PMM2: variants seen among roughly 807,000 people sequenced by gnomAD.
The protein encoded by PMM2 is mannose-6-phosphate isomerase.
In PMM2, 35 loss-of-function variants were observed where a neutral mutation model predicts 33.2. The observed-to-expected ratio is 1.06, with a 90% CI of 0.81 to 1.40. The LOEUF is 1.40. Among genes scored for constraint, PMM2 ranks in the 40% most tolerant of loss-of-function variants. The pLI is 0.00. For synonymous variants in PMM2, 153 were observed against 114.7 expected (o/e 1.33, Z -2.13); for missense variants, 386 against 306.0 (o/e 1.26, Z -1.95).
chr16:8,847,653 T>C, intron 7 of PMM2, 71 bp from the exon 8 acceptor site: 1 of 1,152,100 alleles, frequency 8.7e-7, no homozygotes, highest in East Asian at 2.3e-5. Flanking sequence ...ACTTTTGGAC[T>C]CCAGGGTCAC....
At chr16:8,830,405 TACTC>T (rs2060802916) in intron 7 of PMM2, among the ~76,000 whole-genome samples, 1 of 152,218 alleles carries the variant, frequency 6.6e-6, no homozygotes, top group South Asian at 2.1e-4. Flanking sequence ...GTTTTATTAT[TACTC>T]AAATCAGTCT....
chr16:8,829,211 A>G (rs1243070079), intron 7 of PMM2: 1 of 152,202 alleles, frequency 6.6e-6, no homozygotes, highest in African/African-American at 2.4e-5. Flanking sequence ...AGAGGAGACA[A>G]ACAGTGATGT....
Position 8,848,052 on chromosome 16 carries a change from G to C in PMM2, c.*227G>C. 3.6e-6 allele frequency: 2 copies of C among 548,120 alleles called. No individual in the cohort carries two copies. The highest frequency in any genetic ancestry group is 6.6e-6 in the Non-Finnish European group (2 of 302,442). 34.0% of individuals were successfully genotyped at this position (548,120 alleles called of 1,614,324 possible). On this transcript the variant is annotated 3_prime_UTR_variant, in exon 8 of 8. Coordinates refer to ENST00000268261, the MANE Select transcript of PMM2 (RefSeq NM_000303.3). The stretch of plus-strand genomic sequence containing the variant: ...GCCCAGAGGAATGCCTCGCACAAAA[G>C]GTCTTCCCCACCCACCCCCAGCCCC...
intron 3 of PMM2, among the ~76,000 whole-genome samples, chr16:8,805,442 C>G (rs2060641985): frequency 6.6e-6 from 1 of 151,868 alleles, no homozygotes; most frequent in Non-Finnish European, 1.5e-5. Flanking sequence ...ATCCCAGTGG[C>G]CTAGAACTCC....
intron 3 of PMM2, 98 bp downstream of exon 3, chr16:8,804,941 G>C: frequency 1.3e-6 from 1 of 774,156 alleles, no homozygotes; most frequent in Admixed American, 2.0e-5. Context: ...GGAACGGGTA[G>C]AAATGAATCT....
At chr16:8,801,938 G>T in intron 2 of PMM2, 28 bp downstream of exon 2, 2 of 1,412,590 alleles carry the variant, frequency 1.4e-6, no homozygotes, top group South Asian at 2.3e-5. Context: ...AATTACATCT[G>T]GTAAAAGATT....
At chr16:8,822,060 C>A (rs142507551) in intron 7 of PMM2, among the ~76,000 whole-genome samples, 60 of 152,266 alleles carry the variant, frequency 3.9e-4, no homozygotes, top group African/African-American at 1.4e-3. Flanking sequence ...GTACAGGAGA[C>A]TGGAGTTTTA....
At chr16:8,844,330 G>T (rs558829870) in intron 7 of PMM2, among the ~76,000 whole-genome samples, 1 of 152,108 alleles carries the variant, frequency 6.6e-6, no homozygotes, top group Non-Finnish European at 1.5e-5. Flanking sequence ...GAGACATGGA[G>T]GGAAGGGGTT....
At chr16:8,801,941 A>G (rs1321023384) in intron 2 of PMM2, 31 bp downstream of exon 2, 1 of 1,403,836 alleles carries the variant, frequency 7.1e-7, no homozygotes, top group Admixed American at 1.7e-5. Flanking sequence ...TACATCTGGT[A>G]AAAGATTAAC....
chr16:8,839,957 C>T, intron 7 of PMM2, among the ~76,000 whole-genome samples: 1 of 148,926 alleles, frequency 6.7e-6, no homozygotes, highest in Non-Finnish European at 1.5e-5. Flanking sequence ...GGAAGTCTTG[C>T]TGGACCTGTC....
At chr16:8,831,904 G>A (rs892429872) in intron 7 of PMM2, among the ~76,000 whole-genome samples, 19 of 152,130 alleles carry the variant, frequency 1.2e-4, no homozygotes, top group Admixed American at 1.0e-3. Context: ...AAATTGGATC[G>A]TTCATTCTTC....
intron 7 of PMM2, among the ~76,000 whole-genome samples, chr16:8,817,616 C>T (rs1206844550): frequency 6.6e-6 from 1 of 152,198 alleles, no homozygotes; most frequent in Non-Finnish European, 1.5e-5. Context: ...TTAACCATTG[C>T]ATTACCATGC....
Position 8,813,163 on chromosome 16 carries a change from A to G in PMM2, c.639+57A>G, listed in dbSNP as rs113688413. On this transcript the variant is annotated intron_variant, in intron 7 of 7. Coordinates refer to ENST00000268261, the MANE Select transcript of PMM2 (RefSeq NM_000303.3). ...GTTGCATTTGCGCTTGATGGGGGAA[A>G]TTGACAACTGGGCTGTTTTTCCTGT... is the stretch of plus-strand genomic sequence containing the variant. 1.4e-3 allele frequency: 1,494 copies of G among 1,095,360 alleles called. 24 individuals carry two copies. In the African/African-American group the frequency reaches 0.02, roughly 15 times the overall value. The allele number at this position is 1,095,360 out of a possible 1,614,324, so 67.9% of individuals were successfully genotyped here.
At chr16:8,842,409 G>C (rs1411292846) in intron 7 of PMM2, 1 of 152,236 alleles carries the variant, frequency 6.6e-6, no homozygotes, top group African/African-American at 2.4e-5. Context: ...AAAGAAAGTA[G>C]ATCATGAGAA....
rs1306669779 is a variant in PMM2, at chr16:8,804,014, T to G, written c.179-753T>G. ...AGGTCTTTTAGTGCTTTGTTTTTTGTTTTTTGGGTTTTTTTTGTTTTTTTT... is the reference window on the plus strand; with the variant it reads ...AGGTCTTTTAGTGCTTTGTTTTTTGGTTTTTGGGTTTTTTTTGTTTTTTTT... On this transcript the variant is annotated intron_variant, in intron 2 of 7. Coordinates refer to ENST00000268261, the MANE Select transcript of PMM2 (RefSeq NM_000303.3). Among the ~76,000 whole-genome samples the G allele has an allele frequency of 2.0e-3, 188 of 92,356 alleles. 1 individual carries two copies. Among genetic ancestry groups the G allele is most frequent in the African/African-American group, 8.0e-3 (181 of 22,718 alleles). The allele number at this position is 92,356 out of a possible 152,430, so 60.6% of individuals were successfully genotyped here.
intron 7 of PMM2, among the ~76,000 whole-genome samples, chr16:8,831,508 G>T (rs765133637): frequency 6.6e-5 from 10 of 152,202 alleles, no homozygotes; most frequent in African/African-American, 9.7e-5. Flanking sequence ...GTGCACTCCA[G>T]CCTGGGCAAG....
chr16:8,830,929 G>T (rs1033037446), intron 7 of PMM2, among the ~76,000 whole-genome samples: 1 of 152,252 alleles, frequency 6.6e-6, no homozygotes, highest in Non-Finnish European at 1.5e-5. Flanking sequence ...ACTTGAGGCC[G>T]GGAGTTTGAC....
chr16:8,799,299 T>G (rs1018338481), intron 1 of PMM2, among the ~76,000 whole-genome samples: 2 of 152,208 alleles, frequency 1.3e-5, no homozygotes, highest in African/African-American at 4.8e-5. Context: ...CACTGAACCC[T>G]CTCAACCTTC....
chr16:8,804,674 T>C (rs748008886), intron 2 of PMM2, 93 bp from the exon 3 acceptor site: 10 of 818,164 alleles, frequency 1.2e-5, no homozygotes, highest in Non-Finnish European at 1.7e-5. Context: ...TGCTGGAGTT[T>C]AGCGGTTTTA....
Sources: gnomAD v4.1 joint callset for allele counts (sites outside exome capture counted in the v4.1 genomes callset) on GRCh38, gnomAD v4.1.1 for gene constraint, MANE v1.5 for transcripts, NCBI Gene and HGNC (gene_info 2026-07-23, HGNC 2026-07-21) for gene names.